TRIM2: variants seen among roughly 807,000 people sequenced by gnomAD.
The protein encoded by TRIM2 is tripartite motif containing 2.
TRIM2 carries 20 observed loss-of-function variants against 75.2 expected under a neutral mutation model. That is an observed-to-expected ratio of 0.27 (90% CI 0.19 to 0.39). The LOEUF (loss-of-function observed/expected upper bound fraction) is 0.39. TRIM2 is among the 10% of genes least tolerant of loss of function. TRIM2 has a pLI of 1.00. For missense variants in TRIM2, 660 were observed against 990.8 expected, an observed-to-expected ratio of 0.67 and a Z score of 4.48; for synonymous variants, 373 against 388.3, an observed-to-expected ratio of 0.96 and a Z score of 0.46.
upstream of TRIM2, among the ~76,000 whole-genome samples, chr4:153,200,089 C>T (rs1044562780): frequency 3.3e-5 from 5 of 151,844 alleles, no homozygotes; most frequent in South Asian, 2.1e-4. Context: ...TTACAGGCAC[C>T]GCCACCACGC....
chr4:153,307,643 T>C lies in TRIM2; in HGVS notation c.1511-7842T>C, dbSNP rs180753561. 2.6e-4 allele frequency: 115 copies of C among 440,840 alleles called. 1 individual carries two copies. Among genetic ancestry groups the C allele is most frequent in the African/African-American group, 2.0e-3 (98 of 49,586 alleles). 27.3% of individuals were successfully genotyped at this position (440,840 alleles called of 1,614,324 possible). ...GCAACTAAAATGAGGTTGGGGGCAATGCTAACGTCATCCTCACAGGAACAG... is the reference window on the plus strand; with the variant it reads ...GCAACTAAAATGAGGTTGGGGGCAACGCTAACGTCATCCTCACAGGAACAG... On this transcript the variant is annotated intron_variant, in intron 6 of 11. Coordinates refer to ENST00000338700, the MANE Select transcript of TRIM2 (RefSeq NM_015271.5).
At position 153,206,954 on chromosome 4, in the gene TRIM2, C is replaced by T. The variant is rs188059715; in HGVS notation, c.30+2394C>T. ...GGAGTGCAGTGGCATGATCATGGCT[C>T]ACTGCAGCCTTGACCCCTTGGGCTC... On this transcript the variant is annotated intron_variant, in intron 1 of 11. Coordinates refer to ENST00000338700, the MANE Select transcript of TRIM2 (RefSeq NM_015271.5). 4.7e-3 allele frequency among the ~76,000 whole-genome samples: 721 copies of T among 152,180 alleles called. 10 individuals are homozygous for T. Among genetic ancestry groups the T allele is most frequent in the Non-Finnish European group, 3.6e-3 (248 of 68,002 alleles).
At chr4:153,157,345 C>G (rs62325506) in intron 1 of TRIM2, among the ~76,000 whole-genome samples, 47,370 of 151,936 alleles carry the variant, frequency 0.31, 7,656 homozygotes, top group South Asian at 0.43. Context: ...TTGCCAGCCT[C>G]TTGGTTCTCC....
intron 1 of TRIM2, among the ~76,000 whole-genome samples, chr4:153,188,884 G>A (rs573539227): frequency 2.0e-5 from 3 of 152,148 alleles, no homozygotes; most frequent in African/African-American, 7.2e-5. Flanking sequence ...TTCTCAAACT[G>A]TACATTTTAT....
chr4:153,266,343 G>GTTT (rs1560913616), intron 1 of TRIM2, among the ~76,000 whole-genome samples: 7 of 106,050 alleles, frequency 6.6e-5, no homozygotes, highest in Non-Finnish European at 1.2e-4. Context: ...CTAATTTTTG[G>GTTT]GTTTTTTTTT....
intron 1 of TRIM2, among the ~76,000 whole-genome samples, chr4:153,264,084 T>G (rs1007497305): frequency 9.9e-5 from 15 of 152,172 alleles, no homozygotes; most frequent in African/African-American, 3.6e-4. Flanking sequence ...AGGTAACTGG[T>G]GGCAATATGC....
rs139035351 is a variant in TRIM2, at chr4:153,293,100, C to T, written c.572C>T (p.Ser191Leu). 6 of 1,611,474 alleles carry T rather than the reference C, an allele frequency of 3.7e-6. No homozygotes were observed. The highest frequency in any genetic ancestry group is 5.1e-6 in the Non-Finnish European group (6 of 1,177,960). ...LKDVVEQHKASLQVQLDAVNK... is the reference protein window; with the variant it reads ...LKDVVEQHKALLQVQLDAVNK... ...GATGTGGTGGAACAGCACAAGGCCT[C>T]GCTCCAGGTCCAGCTGGATGCTGTC... is the stretch of plus-strand genomic sequence containing the variant. The change falls in exon 4 of 12, where the codon TCG becomes TTG. Residue 191 changes from serine (S) to leucine (L), a missense_variant. Coordinates refer to ENST00000338700, the MANE Select transcript of TRIM2 (RefSeq NM_015271.5).
At chr4:153,166,975 C>T (rs1024030698) in intron 1 of TRIM2, among the ~76,000 whole-genome samples, 2 of 152,288 alleles carry the variant, frequency 1.3e-5, no homozygotes, top group Admixed American at 6.5e-5. Context: ...AATTTTTCAG[C>T]ATTTTACTTA....
Position 153,173,568 on chromosome 4 carries a change from A to C in TRIM2, c.-49+20298A>C, listed in dbSNP as rs1490139951. Among the ~76,000 whole-genome samples the C allele has an allele frequency of 2.6e-5, 4 of 151,176 alleles. No homozygotes were observed. In the East Asian group the frequency reaches 7.8e-4, roughly 30 times the overall value. On this transcript the variant is annotated intron_variant, in intron 1 of 11. Transcript: ENST00000437508. ...TCCCAGCTACTTGGGAGGCTGAGGCAAGCAGAATCGCTTGAACCCGGGAGG... is the reference window on the plus strand; with the variant it reads ...TCCCAGCTACTTGGGAGGCTGAGGCCAGCAGAATCGCTTGAACCCGGGAGG...
chr4:153,281,081 T>C lies in TRIM2; in HGVS notation c.453+4951T>C, dbSNP rs180954780. ...TAACTCAGAAAATCCACAGAGGATA[T>C]ATAAATGCCTAAAAATCATTTATGG... On this transcript the variant is annotated intron_variant, in intron 3 of 11. Coordinates refer to ENST00000338700, the MANE Select transcript of TRIM2 (RefSeq NM_015271.5). 7.2e-5 allele frequency among the ~76,000 whole-genome samples: 11 copies of C among 152,326 alleles called. No individual in the cohort carries two copies. In the East Asian group the frequency reaches 2.1e-3, roughly 29 times the overall value.
At position 153,338,952 on chromosome 4, in the gene TRIM2, G is replaced by GT. The variant is rs1561045398; in HGVS notation, c.*3986_*3987insT. The GT allele has an allele frequency of 1.5e-3, 1,481 of 963,310 alleles. 10 individuals are homozygous for GT. In the African/African-American group the frequency reaches 0.029, roughly 19 times the overall value. The allele number at this position is 963,310 out of a possible 1,614,324, so 59.7% of individuals were successfully genotyped here. On this transcript the variant is annotated 3_prime_UTR_variant, in exon 12 of 12. Coordinates refer to ENST00000338700, the MANE Select transcript of TRIM2 (RefSeq NM_015271.5). ...TCAAGCCTATGTATGAATATGAAGG[G>GT]GTTTTTTTTTTTTGCTTTGTTTTCT...
At chr4:153,175,304 G>A (rs952611050) in intron 1 of TRIM2, among the ~76,000 whole-genome samples, 1 of 152,094 alleles carries the variant, frequency 6.6e-6, no homozygotes, top group Non-Finnish European at 1.5e-5. Context: ...ACAGGCCTGA[G>A]CCACCGAGCC....
intron 1 of TRIM2, among the ~76,000 whole-genome samples, chr4:153,251,813 C>T (rs1372385301): frequency 1.3e-5 from 2 of 151,904 alleles, no homozygotes; most frequent in East Asian, 3.9e-4. Flanking sequence ...ACCCTGTCTC[C>T]ATAAAAAAAT....
chr4:153,179,275 AATTT>A (rs1309912562), intron 1 of TRIM2, among the ~76,000 whole-genome samples: 1 of 149,740 alleles, frequency 6.7e-6, no homozygotes, highest in East Asian at 1.9e-4. Context: ...TAATAAAATT[AATTT>A]ATTAATATTA....
Position 153,300,965 on chromosome 4 carries a change from C to A in TRIM2, c.1510+4929C>A, listed in dbSNP as rs146469004. Reference sequence around the variant, plus strand: ...CAGCACCTTGGGAGGTCCAGGTGGGCGGATCACCTGAGGGCAGGAGTTTGA... The same window carrying A: ...CAGCACCTTGGGAGGTCCAGGTGGGAGGATCACCTGAGGGCAGGAGTTTGA... On this transcript the variant is annotated intron_variant, in intron 6 of 11. Coordinates refer to ENST00000338700, the MANE Select transcript of TRIM2 (RefSeq NM_015271.5). Among the ~76,000 whole-genome samples, 548 of 151,366 alleles carry A rather than the reference C, an allele frequency of 3.6e-3. 1 individual carries two copies. Among genetic ancestry groups the A allele is most frequent in the Non-Finnish European group, 5.5e-3 (373 of 67,856 alleles).
intron 1 of TRIM2, among the ~76,000 whole-genome samples, chr4:153,153,518 C>G (rs1351996602): frequency 6.6e-6 from 1 of 152,162 alleles, no homozygotes; most frequent in African/African-American, 2.4e-5. Context: ...CTTGGAACCG[C>G]CCTATGCTTT....
At chr4:153,185,145 A>G (rs139005353) in intron 1 of TRIM2, among the ~76,000 whole-genome samples, 1 of 152,316 alleles carries the variant, frequency 6.6e-6, no homozygotes, top group African/African-American at 2.4e-5. Flanking sequence ...TATGTATTGA[A>G]TGAATTCCAA....
intron 1 of TRIM2, among the ~76,000 whole-genome samples, chr4:153,269,915 ATTTATTT>A (rs1756222506): frequency 6.6e-6 from 1 of 151,846 alleles, no homozygotes; most frequent in East Asian, 1.9e-4. Flanking sequence ...ACCTTTATTT[ATTTATTT>A]TTTATTTTAT....
intron 1 of TRIM2, among the ~76,000 whole-genome samples, chr4:153,244,430 T>C (rs374546929): frequency 2.9e-5 from 3 of 102,840 alleles, no homozygotes; most frequent in South Asian, 2.7e-4. Context: ...CTTCTTCTTC[T>C]TCTTCTTTTA....
Sources: allele counts gnomAD v4.1 joint callset (sites outside exome capture counted in the v4.1 genomes callset), GRCh38; gene constraint gnomAD v4.1.1; transcripts MANE v1.5; gene names NCBI Gene and HGNC (gene_info 2026-07-23, HGNC 2026-07-21).